RIF1: variants seen among roughly 807,000 people sequenced by gnomAD.
The protein encoded by RIF1 is telomere-associated protein RIF1.
In RIF1, 45 loss-of-function variants were observed where a neutral mutation model predicts 247.1. The observed-to-expected ratio is 0.18, with a 90% confidence interval of 0.14 to 0.23. The LOEUF is 0.23. Among genes scored for constraint, RIF1 ranks in the 10% least tolerant of loss-of-function variants. The pLI is 1.00. For synonymous variants in RIF1, 1,087 were observed against 978.8 expected (o/e 1.11, Z -2.06); for missense variants, 2,967 against 2,862.5 (o/e 1.04, Z -0.83).
chr2:151,423,953 TC>T (rs773050901), intron 8 of RIF1, among the ~76,000 whole-genome samples: 2 of 152,138 alleles, frequency 1.3e-5, no homozygotes, highest in Non-Finnish European at 2.9e-5. Context: ...AGAGTAAACT[TC>T]CTCTGCCCTC....
intron 13 of RIF1, among the ~76,000 whole-genome samples, chr2:151,507,473 T>TG (rs1349935794): frequency 7.9e-5 from 12 of 152,062 alleles, no homozygotes; most frequent in African/African-American, 2.4e-4. Context: ...GCAATAAGCC[T>TG]CTCCTTCCAG....
downstream of RIF1, chr2:151,485,742 T>C (rs917418756): frequency 3.4e-5 from 54 of 1,594,780 alleles, no homozygotes; most frequent in Non-Finnish European, 4.3e-5. Context: ...TGCAGACAAG[T>C]GTGATGCTTT....
chr2:151,455,550 C>G (rs1339125746), intron 22 of RIF1, among the ~76,000 whole-genome samples: 1 of 152,004 alleles, frequency 6.6e-6, no homozygotes, highest in African/African-American at 2.4e-5. Context: ...ATTCAACCAA[C>G]CCTGGATCGA....
intron 18 of RIF1, among the ~76,000 whole-genome samples, chr2:151,444,453 G>T (rs1692895301): frequency 6.6e-6 from 1 of 152,254 alleles, no homozygotes; most frequent in Admixed American, 6.5e-5. Flanking sequence ...GGGACTACAG[G>T]TGCACGCCAC....
At chr2:151,511,849 G>C (rs917484798), downstream of RIF1, among the ~76,000 whole-genome samples, 3 of 151,874 alleles carry the variant, frequency 2.0e-5, no homozygotes, top group African/African-American at 7.3e-5. Context: ...TCCAAATGTG[G>C]GCTACTTTGT....
chr2:151,519,198 ATAGTAGCC>A, the RIF1 span: 9 of 704,164 alleles, frequency 1.3e-5, no homozygotes, highest in Non-Finnish European at 2.3e-5. Flanking sequence ...TACCTCATTC[ATAGTAGCC>A]AGAAGGCAGA....
intron 20 of RIF1, among the ~76,000 whole-genome samples, chr2:151,450,966 A>G (rs1694211491): frequency 6.6e-6 from 1 of 152,196 alleles, no homozygotes; most frequent in Non-Finnish European, 1.5e-5. Flanking sequence ...TTGATAGAGA[A>G]TCTGTGATCC....
chr2:151,474,757 A>T, intron 35 of RIF1, 100 bp from the exon 36 acceptor site: 1 of 712,268 alleles, frequency 1.4e-6, no homozygotes, highest in Non-Finnish European at 2.4e-6. Context: ...CTGCTCTCTC[A>T]ATTTGAAACC....
rs2152558310 is a variant in RIF1 at position 151,476,833 on chromosome 2, A to G, written c.*1762A>G. ...GAGTTTTTAGCAAACAGGTATGAATAAGCAGCTATGTATATGTGTTTGGGG... is the reference window on the plus strand; with the variant it reads ...GAGTTTTTAGCAAACAGGTATGAATGAGCAGCTATGTATATGTGTTTGGGG... On this transcript the variant is annotated 3_prime_UTR_variant, in exon 36 of 36. Coordinates refer to ENST00000444746, the MANE Select transcript of RIF1 (RefSeq NM_018151.5). The G allele has an allele frequency of 6.6e-6, 1 of 152,340 alleles. No homozygotes were observed. 9.4% of individuals were successfully genotyped at this position (152,340 alleles called of 1,614,324 possible).
rs551314645 is a variant in RIF1, at chr2:151,425,827, C to A, written c.786+2785C>A. 2.6e-5 allele frequency among the ~76,000 whole-genome samples: 4 copies of A among 151,382 alleles called. No individual in the cohort carries two copies. In the South Asian group the frequency reaches 8.4e-4, roughly 32 times the overall value. On this transcript the variant is annotated intron_variant, in intron 8 of 35. Coordinates refer to ENST00000444746, the MANE Select transcript of RIF1 (RefSeq NM_018151.5). Reference sequence around the variant, plus strand: ...GATTACAGGCGCGCACTACCATGCTCGGCACATTTTTTTTTTCTTTTCTGT... The same window carrying A: ...GATTACAGGCGCGCACTACCATGCTAGGCACATTTTTTTTTTCTTTTCTGT...
the RIF1 span, chr2:151,524,266 A>G: frequency 3.3e-6 from 5 of 1,508,748 alleles, no homozygotes; most frequent in South Asian, 3.4e-5. Flanking sequence ...AAGGTCTTTT[A>G]TAATCTCCTC....
At chr2:151,531,296 CT>C in the RIF1 span, among the ~76,000 whole-genome samples, 2 of 141,922 alleles carry the variant, frequency 1.4e-5, no homozygotes, top group Non-Finnish European at 3.0e-5. Context: ...CAACAACTCT[CT>C]TTTTTTCTTT....
the RIF1 span, chr2:151,524,639 T>C: frequency 2.3e-6 from 3 of 1,303,554 alleles, no homozygotes; most frequent in Non-Finnish European, 3.3e-6. Context: ...AGAAAATGTT[T>C]ACTCAAGAGA....
intron 26 of RIF1, among the ~76,000 whole-genome samples, chr2:151,460,524 GTTC>G (rs10566480): frequency 0.69 from 104,099 of 151,948 alleles, 36,117 homozygotes; most frequent in East Asian, 0.77. Flanking sequence ...AGACACCTAT[GTTC>G]TTATCAACTA....
intron 8 of RIF1, among the ~76,000 whole-genome samples, chr2:151,426,690 T>C (rs1393811619): frequency 6.6e-6 from 1 of 150,518 alleles, no homozygotes; most frequent in East Asian, 2.0e-4. Flanking sequence ...TAAGACAGAG[T>C]CTCGCTCTGT....
At chr2:151,519,537 A>T in the RIF1 span, 1 of 748,494 alleles carries the variant, frequency 1.3e-6, no homozygotes, top group Admixed American at 2.7e-5. Context: ...AACATTTTGG[A>T]AATAGTGACA....
At position 151,472,044 on chromosome 2, in the gene RIF1, A is replaced by C. The variant is rs377532927; in HGVS notation, c.7096-1920A>C. Among the ~76,000 whole-genome samples the C allele has an allele frequency of 6.3e-4, 95 of 151,996 alleles. 1 individual carries two copies. The highest frequency in any genetic ancestry group is 2.3e-3 in the African/African-American group (94 of 41,460). ...ATTTGTTTGTGTCCTCTTTTATTTC[A>C]TTGAGCAGTGGTTTGTAGTTCTCCT... is the stretch of plus-strand genomic sequence containing the variant. On this transcript the variant is annotated intron_variant, in intron 34 of 35. Coordinates refer to ENST00000444746, the MANE Select transcript of RIF1 (RefSeq NM_018151.5).
intron 10 of RIF1, chr2:151,499,300 A>C (rs2062666602): frequency 6.8e-7 from 1 of 1,475,564 alleles, no homozygotes; most frequent in Non-Finnish European, 9.2e-7. Context: ...TTAAATACCG[A>C]ACTAAAGTTT....
At chr2:151,507,213 A>C in intron 13 of RIF1, 2 of 515,190 alleles carry the variant, frequency 3.9e-6, no homozygotes. Flanking sequence ...ATATAAAGCT[A>C]GGGGTTTGTT....
Sources: gnomAD v4.1 joint callset for allele counts (sites outside exome capture counted in the v4.1 genomes callset) on GRCh38, gnomAD v4.1.1 for gene constraint, MANE v1.5 for transcripts, NCBI Gene and HGNC (gene_info 2026-07-23, HGNC 2026-07-21) for gene names.